Variants in KLHL7 observed in about 807,000 individuals in gnomAD.
KLHL7 encodes the protein kelch-like protein 7.
In KLHL7, 44 loss-of-function variants were observed where a neutral mutation model predicts 67.4. That is an observed-to-expected ratio of 0.65 (90% CI 0.51 to 0.84). KLHL7 has a LOEUF of 0.84. Among genes scored for constraint, KLHL7 ranks in the 40% least tolerant of loss-of-function variants. The pLI, the probability that KLHL7 is intolerant of heterozygous loss-of-function variation, is 0.00. For synonymous variants in KLHL7, 252 were observed against 243.3 expected, an observed-to-expected ratio of 1.04 and a Z score of -0.33; for missense variants, 362 against 718.1, an observed-to-expected ratio of 0.50 and a Z score of 5.67.
At chr7:23,147,032 A>G (rs956159034) in intron 6 of KLHL7, among the ~76,000 whole-genome samples, 2 of 148,734 alleles carry the variant, frequency 1.3e-5, no homozygotes, top group African/African-American at 5.0e-5. Context: ...TTTATTTCAG[A>G]TATTTTTGTT....
In KLHL7 at chr7:23,105,797, G is replaced by T. The variant is rs1314932560; in HGVS notation, c.-230G>T. On this transcript the variant is annotated 5_prime_UTR_variant, in exon 1 of 11. Coordinates refer to ENST00000339077, the MANE Select transcript of KLHL7 (RefSeq NM_001031710.3). ...CTGGGCAGGGCTCGGGTTCTGCCCG[G>T]GGACGCAGCCCAGTTGGTAGCGTCG... 1.4e-5 allele frequency: 8 copies of T among 582,006 alleles called. No individual in the cohort carries two copies. Among genetic ancestry groups the T allele is most frequent in the Non-Finnish European group, 2.4e-5 (8 of 332,328 alleles). The allele number at this position is 582,006 out of a possible 1,614,324, so 36.1% of individuals were successfully genotyped here.
chr7:23,112,524 C>T (rs759344205), intron 1 of KLHL7, among the ~76,000 whole-genome samples: 49 of 151,986 alleles, frequency 3.2e-4, no homozygotes, highest in Non-Finnish European at 6.6e-4. Context: ...AAAGGAATCA[C>T]CAGAAGAATA....
At chr7:23,153,224 CGG>C (rs200336895) in intron 7 of KLHL7, among the ~76,000 whole-genome samples, 341 of 10,480 alleles carry the variant, frequency 0.033, 2 homozygotes, top group East Asian at 0.098. Context: ...CCTGAGGCGG[CGG>C]GGGGGCTACA....
At chr7:23,150,775 C>T (rs1784506935) in intron 6 of KLHL7, among the ~76,000 whole-genome samples, 1 of 152,104 alleles carries the variant, frequency 6.6e-6, no homozygotes, top group Non-Finnish European at 1.5e-5. Context: ...CATATTATAC[C>T]CTGTGGTCCA....
intron 8 of KLHL7, 126 bp downstream of exon 8, chr7:23,166,064 T>C (rs1279496674): frequency 2.6e-6 from 3 of 1,133,564 alleles, no homozygotes; most frequent in South Asian, 1.3e-5. Context: ...AAATATGTGT[T>C]TGTCACATTT....
chr7:23,156,140 G>T, intron 7 of KLHL7: 1 of 298,748 alleles, frequency 3.3e-6, no homozygotes, highest in Non-Finnish European at 6.8e-6. Flanking sequence ...ATTGAGGAAT[G>T]AACTACCAAT....
At chr7:23,159,043 A>G (rs1039547242) in intron 7 of KLHL7, among the ~76,000 whole-genome samples, 2 of 152,176 alleles carry the variant, frequency 1.3e-5, no homozygotes, top group Non-Finnish European at 2.9e-5. Context: ...AATTTTTCAT[A>G]AAAGCCCCCA....
At chr7:23,152,718 G>T (rs10268230) in intron 7 of KLHL7, among the ~76,000 whole-genome samples, 1 of 151,886 alleles carries the variant, frequency 6.6e-6, no homozygotes, top group African/African-American at 2.4e-5. Context: ...ATATCATGCC[G>T]ACCAACTGGG....
chr7:23,137,082 C>T (rs1253709084), intron 4 of KLHL7, among the ~76,000 whole-genome samples: 4 of 152,244 alleles, frequency 2.6e-5, no homozygotes, highest in African/African-American at 9.6e-5. Flanking sequence ...GTCAGGAGTT[C>T]GAGACCAGTC....
intron 7 of KLHL7, among the ~76,000 whole-genome samples, chr7:23,160,340 C>T (rs564945203): frequency 3.9e-5 from 6 of 152,306 alleles, no homozygotes; most frequent in African/African-American, 1.4e-4. Flanking sequence ...ATATCCATGT[C>T]ATGCTTACTC....
Position 23,165,710 on chromosome 7 carries a change from A to G in KLHL7, c.949A>G (p.Thr317Ala). Residue 317 changes from threonine (T) to alanine (A), a missense_variant, in exon 8 of 11, where the codon ACA becomes GCA. Transcript: ENST00000339077. ...RYFNPKDYSW[T>A]DIRCPFEKRR... is the part of the protein sequence containing the mutation. Reference sequence around the variant, plus strand: ...TTTTCTGCTACAGGATTATAGCTGGACAGACATCCGCTGCCCCTTTGAAAA... The same window carrying G: ...TTTTCTGCTACAGGATTATAGCTGGGCAGACATCCGCTGCCCCTTTGAAAA... The G allele has an allele frequency of 2.5e-6, 4 of 1,614,124 alleles. No homozygotes were observed. In the South Asian group the frequency reaches 3.3e-5, roughly 13 times the overall value.
intron 1 of KLHL7, among the ~76,000 whole-genome samples, chr7:23,116,654 G>GA (rs1428657847): frequency 6.6e-6 from 1 of 152,126 alleles, no homozygotes; most frequent in Non-Finnish European, 1.5e-5. Flanking sequence ...TCCCCTAGTG[G>GA]AAAATAAGAG....
chr7:23,140,632 A>G (rs1186963062), intron 4 of KLHL7, 137 bp from the exon 5 acceptor site: 2 of 766,194 alleles, frequency 2.6e-6, no homozygotes, highest in Admixed American at 4.0e-5. Context: ...AAGAATAGAC[A>G]AATCAATGAA....
chr7:23,107,971 C>A (rs1782712985), intron 1 of KLHL7, among the ~76,000 whole-genome samples: 1 of 152,178 alleles, frequency 6.6e-6, no homozygotes, highest in African/African-American at 2.4e-5. Context: ...CTGACAAGGG[C>A]AGTTGATGGG....
intron 4 of KLHL7, among the ~76,000 whole-genome samples, chr7:23,134,749 C>T (rs769680357): frequency 4.6e-4 from 70 of 152,046 alleles, no homozygotes; most frequent in Non-Finnish European, 7.9e-4. Context: ...TTAATAGTTG[C>T]TCGTAGTAAC....
rs57658434 is a variant in KLHL7 at position 23,175,953 on chromosome 7, T to TAAAAAAAAAAAAAAA, written c.*1666_*1680dup. On this transcript the variant is annotated 3_prime_UTR_variant, in exon 11 of 11. Coordinates refer to ENST00000339077, the MANE Select transcript of KLHL7 (RefSeq NM_001031710.3). The stretch of plus-strand genomic sequence containing the variant: ...CCCAGCCTGGGCAACAGAGCAAGAC[T>TAAAAAAAAAAAAAAA]AAAAAAAAAAAAAAAAAAAAAAAAA... The TAAAAAAAAAAAAAAA allele has an allele frequency of 5.0e-5, 3 of 60,500 alleles. No individual in the cohort carries two copies. The highest frequency in any genetic ancestry group is 2.1e-4 in the African/African-American group (3 of 14,156). 3.7% of individuals were successfully genotyped at this position (60,500 alleles called of 1,614,324 possible). A position where few individuals can be genotyped will look rare whatever the true frequency, so the allele number is the denominator to read the frequency against.
chr7:23,158,614 T>G lies in KLHL7; in HGVS notation c.936+6405T>G, dbSNP rs949593889. ...TGGTTAGCTGGTTGTAAAAGTATGT[T>G]TAAATAAGTAATATTTTAGCATATA... On this transcript the variant is annotated intron_variant, in intron 7 of 10. Coordinates refer to ENST00000339077, the MANE Select transcript of KLHL7 (RefSeq NM_001031710.3). Among the ~76,000 whole-genome samples, 3 of 152,222 alleles carry G rather than the reference T, an allele frequency of 2.0e-5. No individual in the cohort carries two copies. In the East Asian group the frequency reaches 5.8e-4, roughly 29 times the overall value.
At chr7:23,151,464 T>C (rs10279194) in intron 6 of KLHL7, among the ~76,000 whole-genome samples, 66,442 of 151,994 alleles carry the variant, frequency 0.44, 16,383 homozygotes, top group African/African-American at 0.68. Context: ...CTTCTCAAAG[T>C]TTTATGTACA....
intron 7 of KLHL7, among the ~76,000 whole-genome samples, chr7:23,154,152 G>A (rs1362819152): frequency 3.9e-5 from 6 of 152,124 alleles, no homozygotes; most frequent in Admixed American, 6.5e-5. Context: ...TCAGGAGTTT[G>A]AGACCAGCCT....
Sources: allele counts gnomAD v4.1 joint callset (sites outside exome capture counted in the v4.1 genomes callset), GRCh38; gene constraint gnomAD v4.1.1; transcripts MANE v1.5; gene names NCBI Gene and HGNC (gene_info 2026-07-23, HGNC 2026-07-21).